WDR31: variants seen among roughly 807,000 people sequenced by gnomAD.
WDR31 encodes WD repeat-containing protein 31.
In WDR31, 30 loss-of-function variants were observed where a neutral mutation model predicts 47.3. The ratio of observed to expected loss-of-function variants is 0.63; its 90% CI spans 0.47 to 0.86. The LOEUF is 0.86. Among genes scored for constraint, WDR31 ranks in the 40% least tolerant of loss-of-function variants. WDR31 has a pLI of 0.00. For synonymous variants in WDR31, 137 were observed against 159.4 expected (o/e 0.86, Z 1.06); for missense variants, 406 against 442.9 (o/e 0.92, Z 0.75).
At chr9:113,317,452 C>T (rs565797380) in intron 10 of WDR31, among the ~76,000 whole-genome samples, 64 of 152,342 alleles carry the variant, frequency 4.2e-4, no homozygotes, top group Admixed American at 3.2e-3. Context: ...TTCCAGATCT[C>T]GTTCTCCCTG....
chr9:113,327,803 T>G (rs1833511148), intron 5 of WDR31, among the ~76,000 whole-genome samples: 1 of 152,148 alleles, frequency 6.6e-6, no homozygotes, highest in Admixed American at 6.6e-5. Flanking sequence ...AATATAAAAA[T>G]TAGCCGGGTG....
At chr9:113,324,321 T>G (rs1237411838) in intron 5 of WDR31, among the ~76,000 whole-genome samples, 1 of 152,084 alleles carries the variant, frequency 6.6e-6, no homozygotes, top group African/African-American at 2.4e-5. Context: ...TCCTTTTGTG[T>G]CCGGCTCTTA....
chr9:113,318,212 T>C (rs770102914), intron 10 of WDR31, among the ~76,000 whole-genome samples: 36 of 152,344 alleles, frequency 2.4e-4, no homozygotes, highest in Non-Finnish European at 5.0e-4. Context: ...ATATTTTGAG[T>C]GTCACAAGTT....
At chr9:113,328,658 T>C (rs1282988992) in intron 5 of WDR31, among the ~76,000 whole-genome samples, 2 of 152,240 alleles carry the variant, frequency 1.3e-5, no homozygotes, top group Non-Finnish European at 2.9e-5. Flanking sequence ...CTACCTGTGC[T>C]ATTAAGGGCT....
At chr9:113,330,499 G>A (rs1310836993) in intron 4 of WDR31, among the ~76,000 whole-genome samples, 1 of 152,210 alleles carries the variant, frequency 6.6e-6, no homozygotes, top group Non-Finnish European at 1.5e-5. Flanking sequence ...GGAGAGAAAT[G>A]TGAGAATGGG....
rs753361355 is a variant in WDR31 at position 113,321,538 on chromosome 9, AGTAT to A, written c.607_610del (p.Ile203TyrfsTer19). The A allele has an allele frequency of 8.1e-6, 13 of 1,614,192 alleles. No individual in the cohort carries two copies. Among genetic ancestry groups the A allele is most frequent in the Non-Finnish European group, 1.0e-5 (12 of 1,180,020 alleles). ...GAGGGTTTTATCTTCAGAGGTCTGT[AGTAT>A]GTATGGTTCTCTGGGGACCCAGCAC... On this transcript the variant is annotated frameshift_variant, in exon 8 of 11. Coordinates refer to ENST00000374193, the MANE Select transcript of WDR31 (RefSeq NM_001012361.4). LOFTEE classifies it high-confidence loss of function.
rs774954603 is a variant in WDR31 at position 113,313,294 on chromosome 9, T to C, written c.*3455A>G. 4 of 152,238 alleles carry C rather than the reference T, an allele frequency of 2.6e-5. No individual in the cohort carries two copies. Among genetic ancestry groups the C allele is most frequent in the Non-Finnish European group, 5.9e-5 (4 of 68,042 alleles). The allele number at this position is 152,238 out of a possible 1,614,324, so 9.4% of individuals were successfully genotyped here. A position where few individuals can be genotyped will look rare whatever the true frequency, so the allele number is the denominator to read the frequency against. ...ATCAGAGCCCCACTATTTTCTCCCG[T>C]GTACTTTCCTTCTCCTGGCAGCCTG... On this transcript the variant is annotated 3_prime_UTR_variant, in exon 11 of 11. Transcript: ENST00000374193.
intron 5 of WDR31, among the ~76,000 whole-genome samples, chr9:113,326,407 C>T (rs1266288544): frequency 1.3e-5 from 2 of 150,484 alleles, no homozygotes; most frequent in African/African-American, 5.0e-5. Context: ...TTCCTTCTTT[C>T]CGTCCTTCTT....
At chr9:113,319,449 G>A (rs1428957755) in intron 9 of WDR31, among the ~76,000 whole-genome samples, 2 of 152,140 alleles carry the variant, frequency 1.3e-5, no homozygotes, top group East Asian at 3.8e-4. Context: ...CCTTGTCTGT[G>A]AAATGGGAAT....
chr9:113,337,812 C>T (rs961023811), intron 1 of WDR31, among the ~76,000 whole-genome samples: 1 of 152,124 alleles, frequency 6.6e-6, no homozygotes, highest in Non-Finnish European at 1.5e-5. Context: ...GGATGCTCAA[C>T]CCTTAAGTAT....
rs896915269 is a variant in WDR31 at position 113,320,613 on chromosome 9, A to T, written c.639-115T>A. ...TTGCTGCATAGGCCAGTCAGATTGG[A>T]ATGGCATGATTTACCTAAAAACGGC... On this transcript the variant is annotated intron_variant, in intron 8 of 10. Transcript: ENST00000374193. 10 of 1,336,082 alleles carry T rather than the reference A, an allele frequency of 7.5e-6. No individual in the cohort carries two copies. The African/African-American group carries it at 1.5e-4, about 20-fold the overall frequency. The allele number at this position is 1,336,082 out of a possible 1,614,324, so 82.8% of individuals were successfully genotyped here.
intron 1 of WDR31, among the ~76,000 whole-genome samples, chr9:113,338,307 A>T (rs1004463568): frequency 1.4e-4 from 21 of 152,238 alleles, no homozygotes; most frequent in Admixed American, 9.2e-4. Context: ...ATTGGACCCA[A>T]TAAAGCTAAG....
chr9:113,338,733 C>T (rs1028216847), intron 1 of WDR31, among the ~76,000 whole-genome samples: 1 of 152,040 alleles, frequency 6.6e-6, no homozygotes, highest in Non-Finnish European at 1.5e-5. Flanking sequence ...ATTCTCCAGC[C>T]TCAGCTTCCT....
chr9:113,340,071 A>T (rs1355299995), intron 1 of WDR31, 146 bp downstream of exon 1: 1 of 152,168 alleles, frequency 6.6e-6, no homozygotes, highest in Non-Finnish European at 1.5e-5. Flanking sequence ...GAAAGCGGGG[A>T]GAAGAGTCCC....
chr9:113,322,505 G>A (rs190101739), intron 7 of WDR31, among the ~76,000 whole-genome samples: 4 of 152,270 alleles, frequency 2.6e-5, no homozygotes, highest in Admixed American at 2.6e-4. Flanking sequence ...CTATGTTCTT[G>A]GTCACTAACC....
chr9:113,319,275 T>C (rs1018907848), intron 9 of WDR31, among the ~76,000 whole-genome samples: 1 of 152,158 alleles, frequency 6.6e-6, no homozygotes, highest in East Asian at 1.9e-4. Context: ...TCCAAAAAGA[T>C]AATGAAGTTA....
Position 113,315,020 on chromosome 9 carries a change from A to G in WDR31, c.*1729T>C, listed in dbSNP as rs1833159269. 1 of 152,202 alleles carries G rather than the reference A, an allele frequency of 6.6e-6. No individual in the cohort carries two copies. Among genetic ancestry groups the G allele is most frequent in the African/African-American group, 2.4e-5 (1 of 41,432 alleles). 9.4% of individuals were successfully genotyped at this position (152,202 alleles called of 1,614,324 possible). A position where few individuals can be genotyped will look rare whatever the true frequency, so the allele number is the denominator to read the frequency against. ...AAGTGAAGAGGAAACAGATTTTATA[A>G]CTTGCCCAAGATCATCCAGCTAAAT... On this transcript the variant is annotated 3_prime_UTR_variant, in exon 11 of 11. Transcript: ENST00000374193.
Position 113,332,530 on chromosome 9 carries a change from AAAGAAG to A in WDR31, c.-28-486_-28-481del, listed in dbSNP as rs1833621628. The stretch of plus-strand genomic sequence containing the variant: ...AATCTTGAGAACATCATGCTAAGCA[AAAGAAG>A]CCAGACATGAAAGGCTACACAGTTC... On this transcript the variant is annotated intron_variant, in intron 2 of 10. Coordinates refer to ENST00000374193, the MANE Select transcript of WDR31 (RefSeq NM_001012361.4). 2.0e-5 allele frequency among the ~76,000 whole-genome samples: 3 copies of A among 152,346 alleles called. No homozygotes were observed. In the South Asian group the frequency reaches 6.2e-4, roughly 32 times the overall value.
rs1833190054 is a variant in WDR31, at chr9:113,316,017, G to A, written c.*732C>T. 6.6e-6 allele frequency: 1 copy of A among 152,176 alleles called. No individual in the cohort carries two copies. Among genetic ancestry groups the A allele is most frequent in the Admixed American group, 6.5e-5 (1 of 15,280 alleles). 9.4% of individuals were successfully genotyped at this position (152,176 alleles called of 1,614,324 possible). On this transcript the variant is annotated 3_prime_UTR_variant, in exon 11 of 11. Coordinates refer to ENST00000374193, the MANE Select transcript of WDR31 (RefSeq NM_001012361.4). Reference sequence around the variant, plus strand: ...TTGGCCTTAATCTTTGAATTTCAATGTTTTCTTATCTGTAGAGCTGGTGTG... The same window carrying A: ...TTGGCCTTAATCTTTGAATTTCAATATTTTCTTATCTGTAGAGCTGGTGTG...
Sources: allele counts gnomAD v4.1 joint callset (sites outside exome capture counted in the v4.1 genomes callset), GRCh38; gene constraint gnomAD v4.1.1; transcripts MANE v1.5; gene names NCBI Gene and HGNC (gene_info 2026-07-23, HGNC 2026-07-21).